PPM1H: variants seen among roughly 807,000 people sequenced by gnomAD.
The protein encoded by PPM1H is protein phosphatase, Mg2+/Mn2+ dependent 1H.
Under a neutral mutation model 54.9 loss-of-function variants are expected in PPM1H, and 27 were observed. The ratio of observed to expected loss-of-function variants is 0.49; its 90% CI spans 0.36 to 0.68. The LOEUF is 0.68. PPM1H is among the 30% of genes least tolerant of loss of function. The pLI, the probability that PPM1H is intolerant of heterozygous loss-of-function variation, is 0.00. For missense variants in PPM1H, 596 were observed against 667.8 expected (o/e 0.89, Z 1.19); for synonymous variants, 305 against 270.8 (o/e 1.13, Z -1.24).
At chr12:62,663,286 A>G (rs1034276954) in intron 9 of PPM1H, among the ~76,000 whole-genome samples, 28 of 151,988 alleles carry the variant, frequency 1.8e-4, no homozygotes, top group African/African-American at 6.8e-4. Context: ...TGGTCCTACC[A>G]TTGGAGTTTT....
intron 1 of PPM1H, among the ~76,000 whole-genome samples, chr12:62,925,485 T>A (rs1046828797): frequency 2.0e-5 from 3 of 152,022 alleles, no homozygotes; most frequent in Admixed American, 1.3e-4. Context: ...GGCTGAGGCA[T>A]GAGAATTGCT....
intron 4 of PPM1H, among the ~76,000 whole-genome samples, chr12:62,762,985 T>TG (rs1039512563): frequency 4.6e-5 from 7 of 151,940 alleles, no homozygotes; most frequent in East Asian, 1.9e-4. Flanking sequence ...GAAACTATTT[T>TG]TTTTTCCAAA....
chr12:62,901,160 C>T (rs1871155821), intron 1 of PPM1H, among the ~76,000 whole-genome samples: 1 of 152,216 alleles, frequency 6.6e-6, no homozygotes, highest in Non-Finnish European at 1.5e-5. Context: ...CTTCTAATCA[C>T]AGCAAAGAGC....
intron 2 of PPM1H, among the ~76,000 whole-genome samples, chr12:62,806,835 A>T (rs2076808219): frequency 6.6e-6 from 1 of 152,218 alleles, no homozygotes; most frequent in South Asian, 2.1e-4. Flanking sequence ...AAGTGAGAGA[A>T]CATACTAAGA....
intron 4 of PPM1H, among the ~76,000 whole-genome samples, chr12:62,758,821 C>T (rs1173089717): frequency 6.6e-6 from 1 of 152,178 alleles, no homozygotes; most frequent in Admixed American, 6.5e-5. Flanking sequence ...GTGACCTGCA[C>T]TTTTACATCC....
At chr12:62,655,301 C>G (rs971824247) in intron 9 of PPM1H, among the ~76,000 whole-genome samples, 1 of 152,164 alleles carries the variant, frequency 6.6e-6, no homozygotes, top group Non-Finnish European at 1.5e-5. Flanking sequence ...TTCGGAGCCA[C>G]CTTGCCATAT....
intron 1 of PPM1H, among the ~76,000 whole-genome samples, chr12:62,843,719 T>C (rs145430075): frequency 1.2e-3 from 180 of 152,328 alleles, no homozygotes; most frequent in African/African-American, 4.2e-3. Flanking sequence ...TACTTCAGTC[T>C]TTTTTAAAAA....
At position 62,648,423 on chromosome 12, in the gene PPM1H, G is replaced by C. The variant is rs1256645772; in HGVS notation, c.*66C>G. 3 of 1,581,798 alleles carry C rather than the reference G, an allele frequency of 1.9e-6. No individual in the cohort carries two copies. The highest frequency in any genetic ancestry group is 2.6e-6 in the Non-Finnish European group (3 of 1,158,990). On this transcript the variant is annotated 3_prime_UTR_variant, in exon 10 of 10. Transcript: ENST00000228705. The stretch of plus-strand genomic sequence containing the variant: ...TGGAACTCAGCTGGGGCACTTCCCA[G>C]TTCCGTCCTGCCAAGAGGCATCCCA...
At chr12:62,660,221 G>C (rs2075875816) in intron 9 of PPM1H, among the ~76,000 whole-genome samples, 1 of 152,206 alleles carries the variant, frequency 6.6e-6, no homozygotes, top group Admixed American at 6.5e-5. Context: ...GTGTGTGAGT[G>C]TGGTGCCCTC....
intron 8 of PPM1H, among the ~76,000 whole-genome samples, chr12:62,676,733 C>T (rs2075988870): frequency 2.0e-5 from 3 of 152,016 alleles, no homozygotes; most frequent in Admixed American, 2.0e-4. Context: ...GGGAGGGAGG[C>T]CGAGGGGAAG....
intron 4 of PPM1H, among the ~76,000 whole-genome samples, chr12:62,762,010 C>T (rs1430783614): frequency 2.6e-5 from 4 of 152,164 alleles, no homozygotes; most frequent in Non-Finnish European, 5.9e-5. Context: ...CAGCACAGGC[C>T]CAGTCAGTGC....
At chr12:62,732,271 A>G (rs2076325693) in intron 5 of PPM1H, among the ~76,000 whole-genome samples, 1 of 152,196 alleles carries the variant, frequency 6.6e-6, no homozygotes, top group African/African-American at 2.4e-5. Flanking sequence ...TTACCCAGAG[A>G]GCCACATGAA....
intron 6 of PPM1H, among the ~76,000 whole-genome samples, chr12:62,707,680 C>G (rs1001599776): frequency 6.6e-6 from 1 of 152,162 alleles, no homozygotes; most frequent in African/African-American, 2.4e-5. Flanking sequence ...TGTAGGTAAA[C>G]CTTTGTCTAT....
At chr12:62,760,945 T>C (rs2076505103) in intron 4 of PPM1H, among the ~76,000 whole-genome samples, 1 of 152,192 alleles carries the variant, frequency 6.6e-6, no homozygotes, top group South Asian at 2.1e-4. Flanking sequence ...TGACCTTCTG[T>C]CCCTAACTTA....
chr12:62,921,549 C>G (rs1871800431), intron 1 of PPM1H, among the ~76,000 whole-genome samples: 1 of 152,150 alleles, frequency 6.6e-6, no homozygotes, highest in Non-Finnish European at 1.5e-5. Flanking sequence ...CTGCCAAAGA[C>G]AAAGGTATAA....
chr12:62,771,295 GACACACACACACACAC>G (rs4026219), intron 4 of PPM1H, among the ~76,000 whole-genome samples: 23 of 131,968 alleles, frequency 1.7e-4, no homozygotes, highest in East Asian at 4.6e-4. Flanking sequence ...ACTTTGTGAA[GACACACACACACACAC>G]ACACACACAC....
rs71278269 is a variant in PPM1H at position 62,838,920 on chromosome 12, CAAAAAAAAAAAAAAAAAAA to C, written c.246-6660_246-6642del. Among the ~76,000 whole-genome samples, 9 of 33,302 alleles carry C rather than the reference CAAAAAAAAAAAAAAAAAAA, an allele frequency of 2.7e-4. 1 individual carries two copies. The highest frequency in any genetic ancestry group is 8.6e-4 in the African/African-American group (7 of 8,112). The allele number at this position is 33,302 out of a possible 152,430, so 21.8% of individuals were successfully genotyped here. On this transcript the variant is annotated intron_variant, in intron 1 of 9. Transcript: ENST00000228705. Reference sequence around the variant, plus strand: ...TGGGCGACAGAGCGAGACTCCGTCTCAAAAAAAAAAAAAAAAAAAAAAAAAAAAAAAGAATAATAGCTTC... The same window carrying C: ...TGGGCGACAGAGCGAGACTCCGTCTCAAAAAAAAAAAAGAATAATAGCTTC...
chr12:62,850,704 T>C (rs1433052322), intron 1 of PPM1H: 2 of 148,666 alleles, frequency 1.3e-5, no homozygotes, highest in South Asian at 4.2e-4. Flanking sequence ...AGGTAAAATA[T>C]ATATATATTT....
intron 2 of PPM1H, among the ~76,000 whole-genome samples, chr12:62,804,608 T>C (rs1227565218): frequency 6.6e-6 from 1 of 152,052 alleles, no homozygotes; most frequent in Non-Finnish European, 1.5e-5. Context: ...CCCTAGAGGT[T>C]GTCCCATAGC....
Sources: gnomAD v4.1 joint callset for allele counts (sites outside exome capture counted in the v4.1 genomes callset) on GRCh38, gnomAD v4.1.1 for gene constraint, MANE v1.5 for transcripts, NCBI Gene and HGNC (gene_info 2026-07-23, HGNC 2026-07-21) for gene names.